KCNIP2: variants seen among roughly 807,000 people sequenced by gnomAD.
KCNIP2 encodes the protein A-type potassium channel modulatory protein KCNIP2.
Under a neutral mutation model 39.0 loss-of-function variants are expected in KCNIP2, and 19 were observed. The observed-to-expected ratio is 0.49, with a 90% CI of 0.34 to 0.71. The LOEUF is 0.71. Ranked by LOEUF, KCNIP2 falls within the 30% of genes least tolerant of loss-of-function variation. The pLI is 0.01. For synonymous variants in KCNIP2, 111 were observed against 131.2 expected (o/e 0.85, Z 1.05); for missense variants, 261 against 346.0 (o/e 0.75, Z 1.95).
chr10:101,828,278 G>A lies in KCNIP2; in HGVS notation c.490-20C>T, dbSNP rs2065816352. ...AAAGTCCTGGGAAGGAGGCAGGAGG[G>A]AGCTGTGTCCTCGGGTACTCTTCAC... is the stretch of plus-strand genomic sequence containing the variant. On this transcript the variant is annotated intron_variant, in intron 6 of 9. Transcript: ENST00000356640. The surrounding 1 kb of genome is among the most constrained non-coding windows in gnomAD (Gnocchi z 6.6). 1 of 1,611,588 alleles carries A rather than the reference G, an allele frequency of 6.2e-7. No homozygotes were observed. Among genetic ancestry groups the A allele is most frequent in the Non-Finnish European group, 8.5e-7 (1 of 1,177,666 alleles).
intron 3 of KCNIP2, 45 bp from the exon 4 acceptor site, chr10:101,829,244 C>A (rs1377346941): frequency 6.4e-7 from 1 of 1,570,688 alleles, no homozygotes; most frequent in Non-Finnish European, 8.6e-7. Context: ...CCAGCCTCCG[C>A]GACCCCTCTT....
chr10:101,828,972 C>T lies in KCNIP2; in HGVS notation c.348+103G>A, dbSNP rs1354198063. The T allele has an allele frequency of 1.1e-5, 17 of 1,542,536 alleles. No individual in the cohort carries two copies. Among genetic ancestry groups the T allele is most frequent in the Non-Finnish European group, 1.5e-5 (17 of 1,142,174 alleles). ...CAGTCTCAGGGCCTTGCCTCCCTTC[C>T]GCCCACACCTCAAGCATCCAAGCCA... On this transcript the variant is annotated intron_variant, in intron 4 of 9. Transcript: ENST00000356640. This position sits in a 1 kb window ranked among gnomAD's most constrained non-coding sequence, Gnocchi z 6.6.
intron 2 of KCNIP2, 90 bp downstream of exon 2, chr10:101,830,982 G>A (rs557513134): frequency 6.0e-6 from 7 of 1,173,358 alleles, no homozygotes; most frequent in South Asian, 2.6e-5. Context: ...GCGCACACTC[G>A]CAGGCCTGGG....
At chr10:101,832,604 G>C (rs1460213846) in intron 1 of KCNIP2, among the ~76,000 whole-genome samples, 2 of 152,148 alleles carry the variant, frequency 1.3e-5, no homozygotes, top group African/African-American at 4.8e-5. Flanking sequence ...GAGCCATGGA[G>C]AGGTGGGAGG....
intron 2 of KCNIP2, 148 bp from the exon 3 acceptor site, chr10:101,830,045 T>G: frequency 1.1e-6 from 1 of 897,704 alleles, no homozygotes; most frequent in Non-Finnish European, 1.7e-6. Flanking sequence ...ACGGACCCCA[T>G]GCACACAAGC....
At chr10:101,835,545 A>T (rs926088895) in intron 1 of KCNIP2, among the ~76,000 whole-genome samples, 1 of 151,982 alleles carries the variant, frequency 6.6e-6, no homozygotes, top group Non-Finnish European at 1.5e-5. Flanking sequence ...ACTGTTATTG[A>T]GCTGATGGAG....
intron 1 of KCNIP2, among the ~76,000 whole-genome samples, chr10:101,834,637 G>A (rs1184281943): frequency 6.6e-6 from 1 of 152,190 alleles, no homozygotes; most frequent in Non-Finnish European, 1.5e-5. Context: ...CAAGATATGG[G>A]CCAGAGGGAG....
chr10:101,834,908 T>C (rs912653400), intron 1 of KCNIP2, among the ~76,000 whole-genome samples: 1 of 152,216 alleles, frequency 6.6e-6, no homozygotes, highest in South Asian at 2.1e-4. Flanking sequence ...TGTCTCCTCT[T>C]ATGTGTGTCT....
chr10:101,839,205 A>C (rs1480523258), intron 1 of KCNIP2, among the ~76,000 whole-genome samples: 1 of 152,154 alleles, frequency 6.6e-6, no homozygotes. Context: ...CCATTAATAC[A>C]CACTCCCAGA....
intron 2 of KCNIP2, 137 bp downstream of exon 2, chr10:101,830,935 T>G (rs1023722515): frequency 2.5e-6 from 2 of 815,184 alleles, no homozygotes; most frequent in Admixed American, 2.1e-5. Flanking sequence ...CACGCAGGCC[T>G]GGGGCACGCC....
In KCNIP2 at chr10:101,843,668, C is replaced by A; in HGVS notation, c.-100G>T. On this transcript the variant is annotated 5_prime_UTR_variant, in exon 1 of 10. Transcript: ENST00000356640. This position sits in a 1 kb window ranked among gnomAD's most constrained non-coding sequence, Gnocchi z 6.7. ...GCCCCCTGGCGGCCTACTGTGCTGT[C>A]GGGGCTGGGGAAGTCCGGGCTGAGG... 1.7e-6 allele frequency: 1 copy of A among 603,204 alleles called. No homozygotes were observed. The highest frequency in any genetic ancestry group is 2.9e-5 in the South Asian group (1 of 34,628). 37.4% of individuals were successfully genotyped at this position (603,204 alleles called of 1,614,324 possible).
intron 2 of KCNIP2, chr10:101,830,293 C>A (rs1012246357): frequency 6.2e-6 from 5 of 811,288 alleles, no homozygotes; most frequent in African/African-American, 1.8e-5. Flanking sequence ...ACCCAAATAC[C>A]CTGGCGTCTG....
At chr10:101,832,296 C>CTGTGTG (rs57005983) in intron 1 of KCNIP2, among the ~76,000 whole-genome samples, 6,491 of 139,962 alleles carry the variant, frequency 0.046, 185 homozygotes, top group African/African-American at 0.075. Flanking sequence ...CTCAGTGTTA[C>CTGTGTG]TGTGTGTGTG....
At position 101,828,286 on chromosome 10, in the gene KCNIP2, T is replaced by A; in HGVS notation, c.490-28A>T. ...GGGAAGGAGGCAGGAGGGAGCTGTG[T>A]CCTCGGGTACTCTTCACCCAACTCC... On this transcript the variant is annotated intron_variant, in intron 6 of 9. Transcript: ENST00000356640. This position sits in a 1 kb window ranked among gnomAD's most constrained non-coding sequence, Gnocchi z 6.6. The A allele has an allele frequency of 6.2e-7, 1 of 1,611,818 alleles. No homozygotes were observed. The highest frequency in any genetic ancestry group is 8.5e-7 in the Non-Finnish European group (1 of 1,177,918).
At chr10:101,830,924 AC>A (rs1229321810) in intron 2 of KCNIP2, 147 bp downstream of exon 2, 1 of 731,986 alleles carries the variant, frequency 1.4e-6, no homozygotes, top group African/African-American at 1.9e-5. Context: ...CCACCCCCAC[AC>A]ACGCAGGCCT....
chr10:101,839,745 C>T lies in KCNIP2; in HGVS notation c.73+3751G>A, dbSNP rs113848191. The T allele has an allele frequency of 5.1e-5, 82 of 1,612,786 alleles. No individual in the cohort carries two copies. In the African/African-American group the frequency reaches 6.4e-4, roughly 13 times the overall value. ...GATCCTGCCCCTCCCTTCCCTTCCT[C>T]ATCATACCTGGGGACAGCGACCCAG... On this transcript the variant is annotated intron_variant, in intron 1 of 9. Coordinates refer to ENST00000356640, the MANE Select transcript of KCNIP2 (RefSeq NM_173191.3).
chr10:101,831,226 G>C, intron 1 of KCNIP2, 59 bp from the exon 2 acceptor site: 1 of 1,273,970 alleles, frequency 7.8e-7, no homozygotes, highest in African/African-American at 1.5e-5. Context: ...TCTGTTCCCT[G>C]TCCCCTCCCC....
In KCNIP2 at chr10:101,843,182, C is replaced by T. The variant is rs932760294; in HGVS notation, c.73+314G>A. Among the ~76,000 whole-genome samples, 2 of 151,930 alleles carry T rather than the reference C, an allele frequency of 1.3e-5. No homozygotes were observed. Among genetic ancestry groups the T allele is most frequent in the African/African-American group, 4.9e-5 (2 of 41,210 alleles). ...ATGGCAACCAGCTGTGGGAGGTGCG[C>T]GCGCACACACACACACACACACAGA... is the stretch of plus-strand genomic sequence containing the variant. On this transcript the variant is annotated intron_variant, in intron 1 of 9. Transcript: ENST00000356640. The surrounding 1 kb of genome is among the most constrained non-coding windows in gnomAD (Gnocchi z 6.7).
chr10:101,827,807 C>G (rs112426578), intron 8 of KCNIP2, 56 bp from the exon 9 acceptor site: 1 of 1,545,372 alleles, frequency 6.5e-7, no homozygotes, highest in Non-Finnish European at 8.9e-7. Context: ...GAGAGGCAGA[C>G]AGAAGTCAGG....
Sources: gnomAD v4.1 joint callset for allele counts (sites outside exome capture counted in the v4.1 genomes callset) on GRCh38, gnomAD v4.1.1 for gene constraint, Gnocchi (gnomAD v3.1) non-coding constraint, MANE v1.5 for transcripts, NCBI Gene and HGNC (gene_info 2026-07-23, HGNC 2026-07-21) for gene names.